SUGCT: variants seen among roughly 807,000 people sequenced by gnomAD.
SUGCT encodes the protein succinyl-CoA:glutarate-CoA transferase, also known as succinyl-CoA:glutarate CoA-transferase.
In SUGCT, 41 loss-of-function variants were observed where a neutral mutation model predicts 55.0. The observed-to-expected ratio is 0.74, with a 90% CI of 0.58 to 0.97. The LOEUF is 0.97. SUGCT is among the 50% of genes least tolerant of loss of function. The pLI, the probability that SUGCT is intolerant of heterozygous loss-of-function variation, is 0.00. For missense variants in SUGCT, 568 were observed against 547.8 expected, an observed-to-expected ratio of 1.04 and a Z score of -0.37; for synonymous variants, 187 against 200.4, an observed-to-expected ratio of 0.93 and a Z score of 0.56.
chr7:40,369,362 T>G (rs1368661757), intron 9 of SUGCT, among the ~76,000 whole-genome samples: 1 of 152,018 alleles, frequency 6.6e-6, no homozygotes, highest in East Asian at 1.9e-4. Flanking sequence ...CTAAATTGAG[T>G]TTTTCTTGAA....
At chr7:40,980,928 G>C in the SUGCT span, among the ~76,000 whole-genome samples, 3 of 152,278 alleles carry the variant, frequency 2.0e-5, no homozygotes, top group South Asian at 6.2e-4. Flanking sequence ...AAACTCTTGA[G>C]CTCAAGTGAT....
Position 40,634,554 on chromosome 7 carries a change from A to G in SUGCT, c.1090-114880A>G, listed in dbSNP as rs149765169. On this transcript the variant is annotated intron_variant, in intron 12 of 13. Coordinates refer to ENST00000335693, the MANE Select transcript of SUGCT (RefSeq NM_001193313.2). ...AGACTGTGGTGTCAGGGCTGAGGCA[A>G]TTGTCAAACTATCCACTACAGGTAG... is the stretch of plus-strand genomic sequence containing the variant. Among the ~76,000 whole-genome samples, 20 of 152,326 alleles carry G rather than the reference A, an allele frequency of 1.3e-4. 1 individual carries two copies. In the East Asian group the frequency reaches 3.9e-3, roughly 29 times the overall value.
At chr7:40,248,944 T>C (rs1371304339) in intron 7 of SUGCT, among the ~76,000 whole-genome samples, 1 of 151,778 alleles carries the variant, frequency 6.6e-6, no homozygotes, top group Admixed American at 6.6e-5. Context: ...TCTCTGTCTC[T>C]CTCTCTCTCA....
chr7:40,228,861 A>G (rs888408741), intron 6 of SUGCT, among the ~76,000 whole-genome samples: 2 of 151,388 alleles, frequency 1.3e-5, no homozygotes, highest in African/African-American at 2.4e-5. Context: ...TTTTTTTTGT[A>G]ATATCATTAT....
intron 9 of SUGCT, among the ~76,000 whole-genome samples, chr7:40,410,604 G>A (rs1786618708): frequency 6.6e-6 from 1 of 152,122 alleles, no homozygotes; most frequent in Non-Finnish European, 1.5e-5. Context: ...CATAGCACTT[G>A]CATATTCATG....
intron 13 of SUGCT, among the ~76,000 whole-genome samples, chr7:40,787,682 A>AAAG (rs1790085107): frequency 6.6e-6 from 1 of 150,534 alleles, no homozygotes; most frequent in African/African-American, 2.5e-5. Flanking sequence ...AAAAAAAAAA[A>AAAG]AAGCCTCAAG....
rs574028004 is a variant in SUGCT at position 40,732,057 on chromosome 7, A to C, written c.1090-17377A>C. Among the ~76,000 whole-genome samples, 18 of 152,352 alleles carry C rather than the reference A, an allele frequency of 1.2e-4. 1 individual carries two copies. The South Asian group carries it at 3.7e-3, about 32-fold the overall frequency. ...TTTAGGGCTGCTGTAACAAATTACT[A>C]CAAACCGGACTGCTTAAGACAACAG... is the stretch of plus-strand genomic sequence containing the variant. On this transcript the variant is annotated intron_variant, in intron 12 of 13. Coordinates refer to ENST00000335693, the MANE Select transcript of SUGCT (RefSeq NM_001193313.2).
chr7:41,037,014 G>A, the SUGCT span, among the ~76,000 whole-genome samples: 1 of 152,052 alleles, frequency 6.6e-6, no homozygotes, highest in Non-Finnish European at 1.5e-5. Context: ...TAGTAACCTG[G>A]GACAAGTGAC....
chr7:40,363,253 C>G (rs1798242586), intron 9 of SUGCT, among the ~76,000 whole-genome samples: 1 of 151,646 alleles, frequency 6.6e-6, no homozygotes, highest in Admixed American at 6.6e-5. Flanking sequence ...TTGATCCTTT[C>G]AAAAAACCAG....
chr7:40,334,680 A>C (rs1029420385), intron 9 of SUGCT, among the ~76,000 whole-genome samples: 6 of 152,058 alleles, frequency 3.9e-5, no homozygotes, highest in Non-Finnish European at 8.8e-5. Flanking sequence ...AGATTGCAAA[A>C]ATTTTCTCCC....
chr7:40,544,529 C>T lies in SUGCT; in HGVS notation c.1089+48143C>T, dbSNP rs143554383. On this transcript the variant is annotated intron_variant, in intron 12 of 13. Coordinates refer to ENST00000335693, the MANE Select transcript of SUGCT (RefSeq NM_001193313.2). ...TAAATCTGTCTTTTCTGAAATTTCACATTCTCTTCTTTTTGTAGGGAAAGT... is the reference window on the plus strand; with the variant it reads ...TAAATCTGTCTTTTCTGAAATTTCATATTCTCTTCTTTTTGTAGGGAAAGT... 4.3e-4 allele frequency among the ~76,000 whole-genome samples: 66 copies of T among 152,290 alleles called. No homozygotes were observed. The East Asian group carries it at 0.012, about 27-fold the overall frequency.
chr7:40,515,982 T>C (rs548967251), intron 12 of SUGCT, among the ~76,000 whole-genome samples: 37 of 152,328 alleles, frequency 2.4e-4, no homozygotes, highest in South Asian at 1.7e-3. Context: ...AACACTTCTT[T>C]ATTTTTTTCC....
At chr7:40,368,379 A>G (rs1286025689) in intron 9 of SUGCT, among the ~76,000 whole-genome samples, 3 of 151,880 alleles carry the variant, frequency 2.0e-5, no homozygotes, top group African/African-American at 7.3e-5. Context: ...TTGTATTTTT[A>G]GTAGAGATGT....
intron 6 of SUGCT, among the ~76,000 whole-genome samples, chr7:40,218,788 G>A (rs747425655): frequency 6.6e-6 from 1 of 152,050 alleles, no homozygotes; most frequent in Non-Finnish European, 1.5e-5. Context: ...GTTTGTAAAC[G>A]CACCAATCAG....
At chr7:40,774,597 A>G (rs1789354843) in intron 13 of SUGCT, among the ~76,000 whole-genome samples, 2 of 152,286 alleles carry the variant, frequency 1.3e-5, no homozygotes, top group Admixed American at 6.5e-5. Context: ...GTCTTGCCGA[A>G]ATGCAGTTAT....
In SUGCT at chr7:40,860,357, A is replaced by T; in HGVS notation, c.1195A>T (p.Arg399Trp). The change falls in exon 14 of 14, where the codon AGG becomes TGG. Residue 399 changes from arginine (R) to tryptophan (W), a missense_variant. Coordinates refer to ENST00000335693, the MANE Select transcript of SUGCT (RefSeq NM_001193313.2). ...CAGTAAGTTCAAGATGTCAGAGGCC[A>T]GGCCGCCCCCGCTGCTCGGGCAGCA... ...RYSKFKMSEA[R>W]PPPLLGQHTT... is the part of the protein sequence containing the mutation. 6.2e-7 allele frequency: 1 copy of T among 1,613,986 alleles called. No homozygotes were observed. Among genetic ancestry groups the T allele is most frequent in the Non-Finnish European group, 8.5e-7 (1 of 1,179,870 alleles).
At chr7:40,443,713 G>A (rs1280964668) in intron 9 of SUGCT, among the ~76,000 whole-genome samples, 2 of 152,138 alleles carry the variant, frequency 1.3e-5, no homozygotes, top group Non-Finnish European at 2.9e-5. Context: ...CTGTGCAGAA[G>A]CTCTTTAGTT....
At chr7:40,872,152 G>A in the SUGCT span, among the ~76,000 whole-genome samples, 13 of 152,124 alleles carry the variant, frequency 8.5e-5, no homozygotes, top group African/African-American at 2.2e-4. Context: ...TGTCAGTAAC[G>A]CTGCTGCAGA....
the SUGCT span, among the ~76,000 whole-genome samples, chr7:40,907,896 G>T: frequency 6.6e-6 from 1 of 152,024 alleles, no homozygotes; most frequent in Admixed American, 6.5e-5. Context: ...CTTATGAGGG[G>T]AGTCAATACT....
Sources: gnomAD v4.1 joint callset for allele counts (sites outside exome capture counted in the v4.1 genomes callset) on GRCh38, gnomAD v4.1.1 for gene constraint, MANE v1.5 for transcripts, NCBI Gene and HGNC (gene_info 2026-07-23, HGNC 2026-07-21) for gene names.